Variants in LRRTM4 observed in about 807,000 individuals in gnomAD.
LRRTM4 encodes leucine-rich repeat transmembrane neuronal protein 4.
In LRRTM4, 25 loss-of-function variants were observed where a neutral mutation model predicts 47.6. The observed-to-expected ratio is 0.53, with a 90% CI of 0.38 to 0.73. The LOEUF (loss-of-function observed/expected upper bound fraction) is 0.73, where lower values mean the gene tolerates loss of function less well. LRRTM4 is among the 30% of genes least tolerant of loss of function. The pLI is 0.00. For missense variants in LRRTM4, 638 were observed against 713.4 expected (o/e 0.89, Z 1.20); for synonymous variants, 311 against 269.5 (o/e 1.15, Z -1.51).
In LRRTM4 at chr2:77,424,343, T is replaced by C. The variant is rs541486360; in HGVS notation, c.1551+93975A>G. Among the ~76,000 whole-genome samples the C allele has an allele frequency of 3.6e-4, 55 of 152,348 alleles. No individual in the cohort carries two copies. In the South Asian group the frequency reaches 0.011, roughly 30 times the overall value. On this transcript the variant is annotated intron_variant, in intron 3 of 3. Transcript: ENST00000409884. Reference sequence around the variant, plus strand: ...AATTTCTCGAAATAATGTTTTCTACTCATCCTCCATGGAAAGAGCTTTAGC... The same window carrying C: ...AATTTCTCGAAATAATGTTTTCTACCCATCCTCCATGGAAAGAGCTTTAGC...
At chr2:77,256,194 GA>G (rs1179753435) in intron 3 of LRRTM4, among the ~76,000 whole-genome samples, 1 of 152,012 alleles carries the variant, frequency 6.6e-6, no homozygotes, top group Non-Finnish European at 1.5e-5. Context: ...ACCAATTATT[GA>G]AAGCACAAAT....
In LRRTM4 at chr2:76,941,517, G is replaced by A. The variant is rs180761150; in HGVS notation, c.1552-192601C>T. ...ATGTTATGTTCCCCTCCCTGTGCTC[G>A]TATGTTCTCACTGTTCAACTCCCAC... On this transcript the variant is annotated intron_variant, in intron 3 of 3. Transcript: ENST00000409884. Among the ~76,000 whole-genome samples the A allele has an allele frequency of 1.9e-4, 28 of 148,892 alleles. No homozygotes were observed. The East Asian group carries it at 3.6e-3, about 19-fold the overall frequency.
At chr2:77,453,706 T>C (rs1274829435) in intron 3 of LRRTM4, among the ~76,000 whole-genome samples, 1 of 152,200 alleles carries the variant, frequency 6.6e-6, no homozygotes, top group East Asian at 1.9e-4. Context: ...TTCTTTATTG[T>C]TTTGCTTATG....
At chr2:76,973,809 C>T (rs1365901440) in intron 3 of LRRTM4, among the ~76,000 whole-genome samples, 2 of 151,870 alleles carry the variant, frequency 1.3e-5, no homozygotes, top group African/African-American at 2.4e-5. Context: ...TTACTAGCAT[C>T]TGTCAATCTT....
intron 3 of LRRTM4, among the ~76,000 whole-genome samples, chr2:77,472,161 C>T (rs1209882627): frequency 1.3e-5 from 2 of 152,036 alleles, no homozygotes; most frequent in East Asian, 1.9e-4. Flanking sequence ...TTTGAAATGG[C>T]CCCTAAGTGT....
chr2:76,868,528 C>A (rs1315972463), intron 3 of LRRTM4, among the ~76,000 whole-genome samples: 1 of 152,100 alleles, frequency 6.6e-6, no homozygotes, highest in Non-Finnish European at 1.5e-5. Flanking sequence ...GATCTATCAG[C>A]AATTTAACGG....
At chr2:77,044,234 ATATAAAG>A (rs971481344) in intron 3 of LRRTM4, among the ~76,000 whole-genome samples, 2 of 151,768 alleles carry the variant, frequency 1.3e-5, no homozygotes, top group African/African-American at 4.8e-5. Flanking sequence ...ACACTTTAGA[ATATAAAG>A]TATATACAAT....
intron 3 of LRRTM4, among the ~76,000 whole-genome samples, chr2:77,459,934 G>A (rs1346039828): frequency 2.0e-5 from 3 of 149,802 alleles, no homozygotes; most frequent in Non-Finnish European, 3.0e-5. Context: ...ACTATGTTTA[G>A]ACACATACTT....
At chr2:77,144,418 G>A (rs1162753314) in intron 3 of LRRTM4, among the ~76,000 whole-genome samples, 3 of 150,598 alleles carry the variant, frequency 2.0e-5, no homozygotes, top group Non-Finnish European at 4.4e-5. Flanking sequence ...TGCTGCATGG[G>A]GTCAAAAAAA....
chr2:77,158,476 TCAAA>T (rs766567853), intron 3 of LRRTM4, among the ~76,000 whole-genome samples: 1 of 152,204 alleles, frequency 6.6e-6, no homozygotes, highest in Non-Finnish European at 1.5e-5. Flanking sequence ...CTGTTTTGTA[TCAAA>T]CAGTGACAGC....
intron 3 of LRRTM4, among the ~76,000 whole-genome samples, chr2:77,336,194 A>G (rs1671159979): frequency 7.0e-6 from 1 of 142,540 alleles, no homozygotes; most frequent in East Asian, 2.0e-4. Context: ...AAAGGAAAGA[A>G]GGAAGGAAAG....
intron 3 of LRRTM4, among the ~76,000 whole-genome samples, chr2:76,939,296 G>A (rs1675056475): frequency 6.6e-6 from 1 of 152,108 alleles, no homozygotes; most frequent in Admixed American, 6.6e-5. Context: ...TCTTTGCTTT[G>A]CATGAAGTGC....
chr2:77,176,917 G>A lies in LRRTM4; in HGVS notation c.1551+341401C>T, dbSNP rs1673212751. ...TGCTTGTGCTCACTGGTCGTTATATGCTAATTATAATACATTAATATAATA... is the reference window on the plus strand; with the variant it reads ...TGCTTGTGCTCACTGGTCGTTATATACTAATTATAATACATTAATATAATA... On this transcript the variant is annotated intron_variant, in intron 3 of 3. Coordinates refer to ENST00000409884, the MANE Select transcript of LRRTM4 (RefSeq NM_001134745.3). Among the ~76,000 whole-genome samples, 3 of 152,070 alleles carry A rather than the reference G, an allele frequency of 2.0e-5. No homozygotes were observed. The South Asian group carries it at 6.2e-4, about 32-fold the overall frequency.
chr2:77,186,208 G>A (rs866516589), intron 3 of LRRTM4, among the ~76,000 whole-genome samples: 1 of 152,126 alleles, frequency 6.6e-6, no homozygotes, highest in African/African-American at 2.4e-5. Context: ...CTGTGCCCCT[G>A]AGATGTCCAC....
intron 3 of LRRTM4, among the ~76,000 whole-genome samples, chr2:77,248,341 C>CAGTATGGTACTGGCAAAATAATCGAT (rs1675505407): frequency 6.6e-6 from 1 of 151,740 alleles, no homozygotes; most frequent in African/African-American, 2.4e-5. Flanking sequence ...ATAAATCTAA[C>CAGTATGGTACTGGCAAAATAATCGAT]AAAGCATGTA....
At chr2:76,769,485 C>A (rs531843519) in intron 3 of LRRTM4, among the ~76,000 whole-genome samples, 1 of 151,538 alleles carries the variant, frequency 6.6e-6, no homozygotes, top group African/African-American at 2.4e-5. Context: ...AAATGAATTT[C>A]GGATTTGAGA....
At chr2:77,044,319 C>T (rs1052780625) in intron 3 of LRRTM4, among the ~76,000 whole-genome samples, 5 of 151,620 alleles carry the variant, frequency 3.3e-5, no homozygotes, top group Admixed American at 2.0e-4. Context: ...TAAAGATTAT[C>T]TGTCAAATAT....
chr2:77,009,199 C>T (rs1017886001), intron 3 of LRRTM4: 3 of 152,010 alleles, frequency 2.0e-5, no homozygotes, highest in Non-Finnish European at 2.9e-5. Context: ...ACTCATGGAC[C>T]AACACAAAGG....
At chr2:77,051,973 G>A (rs1679447003) in intron 3 of LRRTM4, among the ~76,000 whole-genome samples, 1 of 151,718 alleles carries the variant, frequency 6.6e-6, no homozygotes, top group African/African-American at 2.4e-5. Context: ...TTATCCTTGA[G>A]ATCCAGCAGT....
Sources: gnomAD v4.1 joint callset for allele counts (sites outside exome capture counted in the v4.1 genomes callset) on GRCh38, gnomAD v4.1.1 for gene constraint, MANE v1.5 for transcripts, NCBI Gene and HGNC (gene_info 2026-07-23, HGNC 2026-07-21) for gene names.